Variants in RIMS2 observed in about 807,000 individuals in gnomAD.
RIMS2 encodes regulating synaptic membrane exocytosis 2.
A neutral mutation model predicts 174.4 loss-of-function variants in RIMS2; 59 were observed. The observed-to-expected ratio is 0.34, with a 90% CI of 0.27 to 0.42. The LOEUF (loss-of-function observed/expected upper bound fraction) is 0.42, where lower values mean the gene tolerates loss of function less well. RIMS2 is among the 10% of genes least tolerant of loss of function. RIMS2 has a pLI of 1.00. For synonymous variants in RIMS2, 606 were observed against 572.5 expected (o/e 1.06, Z -0.84); for missense variants, 1,620 against 1,666.3 (o/e 0.97, Z 0.48).
At chr8:104,068,177 T>C (rs1032233585) in intron 19 of RIMS2, among the ~76,000 whole-genome samples, 10 of 152,216 alleles carry the variant, frequency 6.6e-5, no homozygotes, top group African/African-American at 1.2e-4. Context: ...GTTCACATGA[T>C]ATTATTATTG....
chr8:103,543,185 A>G (rs541534530), intron 1 of RIMS2, among the ~76,000 whole-genome samples: 1 of 152,336 alleles, frequency 6.6e-6, no homozygotes, highest in East Asian at 1.9e-4. Flanking sequence ...CAGGATACAA[A>G]ATCAACCTAC....
chr8:104,152,459 C>G lies in RIMS2; in HGVS notation c.3335-92457C>G, dbSNP rs535257948. The stretch of plus-strand genomic sequence containing the variant: ...TTTACAATTACTGGATTTCAAACTT[C>G]CAATGGGTTTCTCAGTTCTGTATTT... On this transcript the variant is annotated intron_variant, in intron 19 of 23. Transcript: ENST00000504942. Among the ~76,000 whole-genome samples, 3 of 152,168 alleles carry G rather than the reference C, an allele frequency of 2.0e-5. No individual in the cohort carries two copies. The South Asian group carries it at 6.2e-4, about 32-fold the overall frequency.
chr8:103,900,825 C>G (rs950121524), intron 4 of RIMS2, among the ~76,000 whole-genome samples: 1 of 152,134 alleles, frequency 6.6e-6, no homozygotes, highest in African/African-American at 2.4e-5. Flanking sequence ...GATTCCATGT[C>G]TGAAAACTGG....
In RIMS2 at chr8:104,209,025, C is replaced by T. The variant is rs556558138; in HGVS notation, c.3335-35891C>T. 5.3e-5 allele frequency among the ~76,000 whole-genome samples: 8 copies of T among 152,272 alleles called. No individual in the cohort carries two copies. In the South Asian group the frequency reaches 1.4e-3, roughly 28 times the overall value. ...GAGGCAAAATGGGGTAATTAGAAAG[C>T]TTTAAATATCTATACATTTGCAGAA... is the stretch of plus-strand genomic sequence containing the variant. On this transcript the variant is annotated intron_variant, in intron 19 of 23. Coordinates refer to ENST00000504942, the Ensembl canonical transcript of RIMS2.
At chr8:103,886,724 A>G (rs570840919) in intron 4 of RIMS2, among the ~76,000 whole-genome samples, 1 of 151,698 alleles carries the variant, frequency 6.6e-6, no homozygotes, top group East Asian at 1.9e-4. Context: ...TATAAAATTG[A>G]TATCATGCTA....
chr8:103,705,470 G>C (rs200259765), intron 2 of RIMS2, among the ~76,000 whole-genome samples: 17 of 152,196 alleles, frequency 1.1e-4, no homozygotes, highest in East Asian at 5.8e-4. Context: ...ATTTGGTCTA[G>C]AGTTTAGTTT....
At chr8:104,030,395 A>AC (rs1212597665) in intron 19 of RIMS2, among the ~76,000 whole-genome samples, 2 of 152,230 alleles carry the variant, frequency 1.3e-5, no homozygotes, top group Admixed American at 6.5e-5. Context: ...TTAGAAACAT[A>AC]TAAATAAAAA....
chr8:104,157,055 G>T (rs2098729012), intron 19 of RIMS2, among the ~76,000 whole-genome samples: 1 of 151,930 alleles, frequency 6.6e-6, no homozygotes. Flanking sequence ...CTAAATTTAG[G>T]CATATTTCTT....
chr8:103,869,142 G>A (rs2099097833), intron 3 of RIMS2, among the ~76,000 whole-genome samples: 1 of 151,696 alleles, frequency 6.6e-6, no homozygotes, highest in Non-Finnish European at 1.5e-5. Context: ...GCCTTGGAGG[G>A]AGCCTGAAGA....
intron 2 of RIMS2, among the ~76,000 whole-genome samples, chr8:103,745,837 T>C (rs1408356614): frequency 1.3e-5 from 2 of 152,188 alleles, no homozygotes; most frequent in South Asian, 2.1e-4. Context: ...GTTCTTTATA[T>C]ATTTTGGATG....
At chr8:104,163,759 T>C (rs141794982) in intron 19 of RIMS2, among the ~76,000 whole-genome samples, 21 of 152,278 alleles carry the variant, frequency 1.4e-4, no homozygotes, top group Non-Finnish European at 2.5e-4. Context: ...AGGGTGGTTT[T>C]GGTTTTGATC....
intron 1 of RIMS2, among the ~76,000 whole-genome samples, chr8:103,583,440 A>C (rs2093728528): frequency 6.6e-6 from 1 of 152,190 alleles, no homozygotes; most frequent in African/African-American, 2.4e-5. Flanking sequence ...CAAGTGAACT[A>C]AATAAGGCAT....
intron 3 of RIMS2, among the ~76,000 whole-genome samples, chr8:103,858,648 T>C (rs2099041165): frequency 6.6e-6 from 1 of 151,238 alleles, no homozygotes; most frequent in African/African-American, 2.4e-5. Context: ...CTGAATAGTA[T>C]AGGAAACCTT....
chr8:103,832,703 A>G (rs1452926612), intron 3 of RIMS2, among the ~76,000 whole-genome samples: 2 of 152,362 alleles, frequency 1.3e-5, no homozygotes, highest in South Asian at 2.1e-4. Flanking sequence ...TGTCCCTGCA[A>G]TAGACATGAT....
chr8:103,916,399 T>G lies in RIMS2; in HGVS notation c.1913-15T>G. The G allele has an allele frequency of 6.3e-7, 1 of 1,577,488 alleles. No homozygotes were observed. The highest frequency in any genetic ancestry group is 1.2e-5 in the South Asian group (1 of 85,940). On this transcript the variant is annotated splice_polypyrimidine_tract_variant and intron_variant, in intron 7 of 23. Coordinates refer to ENST00000504942, the Ensembl canonical transcript of RIMS2. ...ATTTTCTGTATAAGATTATTATTACTGACACCCACTATAGGTGATGAAGTA... is the reference window on the plus strand; with the variant it reads ...ATTTTCTGTATAAGATTATTATTACGGACACCCACTATAGGTGATGAAGTA...
intron 3 of RIMS2, among the ~76,000 whole-genome samples, chr8:103,795,346 C>T (rs570967377): frequency 2.6e-5 from 4 of 151,356 alleles, no homozygotes; most frequent in East Asian, 1.9e-4. Context: ...GAAAACCAGA[C>T]GCTAGATGTT....
chr8:104,011,041 C>T (rs1370917152), intron 17 of RIMS2, among the ~76,000 whole-genome samples: 1 of 152,058 alleles, frequency 6.6e-6, no homozygotes, highest in Non-Finnish European at 1.5e-5. Flanking sequence ...AAAACTAATT[C>T]AGAATTTTGG....
At chr8:103,953,920 G>A (rs201674585) in intron 14 of RIMS2, among the ~76,000 whole-genome samples, 2 of 151,640 alleles carry the variant, frequency 1.3e-5, no homozygotes, top group Admixed American at 1.3e-4. Flanking sequence ...CTACCAAGCA[G>A]ATGGAAAGCA....
At chr8:103,807,093 C>T (rs755548778) in intron 3 of RIMS2, among the ~76,000 whole-genome samples, 1 of 151,650 alleles carries the variant, frequency 6.6e-6, no homozygotes, top group Non-Finnish European at 1.5e-5. Context: ...CCTAAGTCAC[C>T]GGGAAGGGGG....
Sources: gnomAD v4.1 joint callset for allele counts (sites outside exome capture counted in the v4.1 genomes callset) on GRCh38, gnomAD v4.1.1 for gene constraint, MANE v1.5 for transcripts, NCBI Gene and HGNC (gene_info 2026-07-23, HGNC 2026-07-21) for gene names.